CTPS2: variants seen among roughly 807,000 people sequenced by gnomAD.
CTPS2 encodes CTP synthase II.
In CTPS2, 19 loss-of-function variants were observed where a neutral mutation model predicts 46.8. The observed-to-expected ratio is 0.41, with a 90% CI of 0.28 to 0.60. The LOEUF (loss-of-function observed/expected upper bound fraction) is 0.60. Ranked by LOEUF, CTPS2 falls within the 20% of genes least tolerant of loss-of-function variation. The probability of loss-of-function intolerance (pLI) is 0.35; values close to 1 mark genes in which losing one functional copy is unlikely to be tolerated. For missense variants in CTPS2, 286 were observed against 447.6 expected (o/e 0.64, Z 3.26); for synonymous variants, 151 against 165.2 (o/e 0.91, Z 0.66).
chrX:16,624,939 C>T (rs1327150719), intron 14 of CTPS2, among the ~76,000 whole-genome samples: 1 of 112,047 alleles, frequency 8.9e-6, no homozygotes, highest in East Asian at 2.8e-4. Context: ...CCAAATTATA[C>T]CATCTCTTTC....
intron 16 of CTPS2, among the ~76,000 whole-genome samples, chrX:16,613,295 C>T (rs1462240130): frequency 9.0e-6 from 1 of 111,666 alleles, no homozygotes; most frequent in Non-Finnish European, 1.9e-5. Flanking sequence ...AGTGGTTTAT[C>T]CAACAAATTA....
intron 16 of CTPS2, among the ~76,000 whole-genome samples, chrX:16,610,985 T>C (rs745854897): frequency 2.7e-5 from 3 of 111,505 alleles, no homozygotes; most frequent in African/African-American, 6.5e-5. Flanking sequence ...GAGCTAAACA[T>C]TGGGTACTTA....
intron 14 of CTPS2, among the ~76,000 whole-genome samples, chrX:16,626,700 T>C (rs1447695701): frequency 2.7e-5 from 3 of 111,574 alleles, no homozygotes; most frequent in African/African-American, 9.8e-5. Flanking sequence ...CTTTGCAACC[T>C]GGCTTTTGTT....
intron 14 of CTPS2, among the ~76,000 whole-genome samples, chrX:16,637,613 T>C (rs1931822911): frequency 8.9e-6 from 1 of 112,633 alleles, no homozygotes; most frequent in Non-Finnish European, 1.9e-5. Flanking sequence ...TCTTTCTCAA[T>C]AGATATAATT....
intron 8 of CTPS2, among the ~76,000 whole-genome samples, chrX:16,685,324 CA>C (rs374063038): frequency 8.1e-5 from 9 of 111,537 alleles, no homozygotes; most frequent in African/African-American, 2.9e-4. Context: ...CTGGTCTTCC[CA>C]GGGGAGGAGT....
In CTPS2 at chrX:16,683,330, G is replaced by A. The variant is rs1359318316; in HGVS notation, c.873-104C>T. 2.5e-5 allele frequency: 21 copies of A among 851,501 alleles called. No individual in the cohort carries two copies. The South Asian group carries it at 3.0e-4, about 12-fold the overall frequency. The allele number at this position is 851,501 out of a possible 1,213,427, so 70.2% of individuals were successfully genotyped here. A position where few individuals can be genotyped will look rare whatever the true frequency, so the allele number is the denominator to read the frequency against. ...ACTCCAAGGCACTTTTTAAATCCTC[G>A]GGAGCAGCTGTAGTCCTAGCTACTC... On this transcript the variant is annotated intron_variant, in intron 8 of 18. Coordinates refer to ENST00000359276, the MANE Select transcript of CTPS2 (RefSeq NM_175859.3).
At chrX:16,652,660 C>T (rs189945355) in intron 13 of CTPS2, among the ~76,000 whole-genome samples, 1 of 112,135 alleles carries the variant, frequency 8.9e-6, no homozygotes, top group East Asian at 2.8e-4. Flanking sequence ...AAAGGTAACA[C>T]GGGTAACTTT....
chrX:16,676,668 C>T (rs1166463549), intron 10 of CTPS2, among the ~76,000 whole-genome samples: 1 of 111,491 alleles, frequency 9.0e-6, no homozygotes, highest in Non-Finnish European at 1.9e-5. Context: ...ATTATGAATT[C>T]TAGTCTTATT....
rs149741304 is a variant in CTPS2 at position 16,659,732 on chromosome X, G to T, written c.1296+7782C>A. 3.6e-5 allele frequency among the ~76,000 whole-genome samples: 4 copies of T among 111,694 alleles called. No individual in the cohort carries two copies. In the East Asian group the frequency reaches 1.1e-3, roughly 31 times the overall value. ...CAAGCTAACATATTCATCACTTCAC[G>T]TAGTTACTGTTGTGTGTGTGTGATG... is the stretch of plus-strand genomic sequence containing the variant. On this transcript the variant is annotated intron_variant, in intron 13 of 18. Coordinates refer to ENST00000359276, the MANE Select transcript of CTPS2 (RefSeq NM_175859.3).
chrX:16,710,564 C>A (rs973335490), intron 1 of CTPS2, among the ~76,000 whole-genome samples: 6 of 112,155 alleles, frequency 5.3e-5, no homozygotes, highest in Non-Finnish European at 1.1e-4. Flanking sequence ...ATTTTAGAGA[C>A]CTTTTGTAAA....
chrX:16,621,229 A>G (rs765607619), intron 14 of CTPS2, among the ~76,000 whole-genome samples: 2 of 99,288 alleles, frequency 2.0e-5, no homozygotes, highest in African/African-American at 7.4e-5. Flanking sequence ...TGTCAGGTGA[A>G]TAGGAGTCGG....
intron 13 of CTPS2, among the ~76,000 whole-genome samples, chrX:16,645,609 T>C (rs1932284319): frequency 8.9e-6 from 1 of 112,259 alleles, no homozygotes; most frequent in African/African-American, 3.2e-5. Flanking sequence ...CAATGAGCAG[T>C]CCCATAAGTA....
At chrX:16,658,466 T>C (rs751394903) in intron 13 of CTPS2, among the ~76,000 whole-genome samples, 12 of 112,259 alleles carry the variant, frequency 1.1e-4, no homozygotes, top group Non-Finnish European at 2.3e-4. Context: ...TTATGATGAG[T>C]AGATTGTTGT....
At chrX:16,606,830 C>T (rs1929999414) in intron 17 of CTPS2, among the ~76,000 whole-genome samples, 1 of 111,181 alleles carries the variant, frequency 9.0e-6, no homozygotes, top group South Asian at 3.9e-4. Flanking sequence ...GGTGCAATCT[C>T]AGCTCACTGC....
intron 13 of CTPS2, chrX:16,654,541 G>GCGCTCTTCCTCCAGTGCTC: frequency 1.1e-6 from 1 of 891,062 alleles, no homozygotes. Context: ...CTGAGCACTG[G>GCGCTCTTCCTCCAGTGCTC]AGGAAGAGCG....
chrX:16,599,237 G>C (rs1929489046), intron 17 of CTPS2, among the ~76,000 whole-genome samples: 1 of 111,364 alleles, frequency 9.0e-6, no homozygotes, highest in Non-Finnish European at 1.9e-5. Context: ...GGAAATAAAG[G>C]GCCAAAAGTT....
At chrX:16,598,963 G>A (rs897649887) in intron 17 of CTPS2, among the ~76,000 whole-genome samples, 8 of 111,754 alleles carry the variant, frequency 7.2e-5, no homozygotes, top group Non-Finnish European at 1.1e-4. Context: ...AAAACCACAT[G>A]ATTATCTCAA....
rs974714943 is a variant in CTPS2 at position 16,689,534 on chromosome X, A to T, written c.788T>A (p.Val263Glu). The T allele has an allele frequency of 8.3e-7, 1 of 1,210,384 alleles. No individual in the cohort carries two copies. ...VPVLLEEQSIVKYFKERLHLP... is the reference protein window; with the variant it reads ...VPVLLEEQSIEKYFKERLHLP... ...GTGCAATCTCTCCTTAAAATATTTC[A>T]CAATGCTTTGTTCCTCTAAAAGCAC... The change falls in exon 8 of 19, where the codon GTG becomes GAG. Residue 263 changes from valine (V) to glutamate (E), a missense_variant. Physicochemically the swap from Val to Glu is moderately radical, Grantham distance 121 (BLOSUM62 -2). Transcript: ENST00000359276.
intron 9 of CTPS2, among the ~76,000 whole-genome samples, chrX:16,681,083 G>A (rs1430331932): frequency 2.7e-5 from 3 of 111,332 alleles, no homozygotes; most frequent in Admixed American, 9.6e-5. Context: ...CTATTCGGGT[G>A]GCTAAGGCAG....
Sources: allele counts gnomAD v4.1 joint callset (sites outside exome capture counted in the v4.1 genomes callset), GRCh38; gene constraint gnomAD v4.1.1; transcripts MANE v1.5; gene names NCBI Gene and HGNC (gene_info 2026-07-23, HGNC 2026-07-21).